The following RBFOX1 variants were observed in gnomAD, a reference collection of about 807,000 sequenced individuals.
The protein encoded by RBFOX1 is RNA binding protein fox-1 homolog 1.
Under a neutral mutation model 57.7 loss-of-function variants are expected in RBFOX1, and 8 were observed. The ratio of observed to expected loss-of-function variants is 0.14; its 90% CI spans 0.08 to 0.25. The LOEUF (loss-of-function observed/expected upper bound fraction) is 0.25, where lower values mean the gene tolerates loss of function less well. Among genes scored for constraint, RBFOX1 ranks in the 10% least tolerant of loss-of-function variants. The probability of loss-of-function intolerance (pLI) is 1.00; values close to 1 mark genes in which losing one functional copy is unlikely to be tolerated. For synonymous variants in RBFOX1, 326 were observed against 222.4 expected, an observed-to-expected ratio of 1.47 and a Z score of -4.15; for missense variants, 611 against 548.5, an observed-to-expected ratio of 1.11 and a Z score of -1.14.
intron 2 of RBFOX1, among the ~76,000 whole-genome samples, chr16:5,475,039 T>C (rs1197132244): frequency 6.6e-6 from 1 of 152,210 alleles, no homozygotes; most frequent in African/African-American, 2.4e-5. Flanking sequence ...CTACCCTTCA[T>C]TTTGTAAGAT....
At chr16:7,342,916 C>T (rs2096925634) in intron 4 of RBFOX1, among the ~76,000 whole-genome samples, 1 of 152,136 alleles carries the variant, frequency 6.6e-6, no homozygotes, top group Admixed American at 6.5e-5. Context: ...AAGTTAATTA[C>T]AAGAAACACG....
chr16:6,519,492 A>G (rs186072700), intron 2 of RBFOX1, among the ~76,000 whole-genome samples: 9 of 152,208 alleles, frequency 5.9e-5, no homozygotes, highest in African/African-American at 1.7e-4. Context: ...CCTGAGGTCA[A>G]GAGTTGGAGA....
At chr16:7,040,287 G>C (rs61177865) in intron 3 of RBFOX1, among the ~76,000 whole-genome samples, 3 of 152,034 alleles carry the variant, frequency 2.0e-5, no homozygotes, top group Admixed American at 6.6e-5. Context: ...CCAAAGTGCT[G>C]GGATTGCAGG....
At chr16:5,902,117 T>A (rs994390394) in intron 4 of RBFOX1, among the ~76,000 whole-genome samples, 1 of 152,220 alleles carries the variant, frequency 6.6e-6, no homozygotes, top group African/African-American at 2.4e-5. Flanking sequence ...CTAAATACTG[T>A]CAATTACCCA....
chr16:6,827,689 GC>G (rs1244135937), intron 3 of RBFOX1, among the ~76,000 whole-genome samples: 2 of 152,098 alleles, frequency 1.3e-5, no homozygotes, highest in Non-Finnish European at 2.9e-5. Context: ...TCCTTCAGGG[GC>G]CAGCTTCTCT....
chr16:6,258,267 C>A (rs1410767608), intron 1 of RBFOX1, among the ~76,000 whole-genome samples: 1 of 152,152 alleles, frequency 6.6e-6, no homozygotes, highest in African/African-American at 2.4e-5. Context: ...ATTGCATAAT[C>A]AACCAAAATA....
chr16:7,250,790 A>G (rs1475271886), intron 4 of RBFOX1, among the ~76,000 whole-genome samples: 1 of 152,198 alleles, frequency 6.6e-6, no homozygotes, highest in Non-Finnish European at 1.5e-5. Context: ...AGAATCAGGC[A>G]CCAAGACAGC....
chr16:6,272,688 C>T (rs911302756), intron 1 of RBFOX1, among the ~76,000 whole-genome samples: 4 of 152,132 alleles, frequency 2.6e-5, no homozygotes, highest in Non-Finnish European at 4.4e-5. Flanking sequence ...AACAAAACTT[C>T]TTATATAGCT....
intron 2 of RBFOX1, among the ~76,000 whole-genome samples, chr16:6,605,201 T>C (rs1000234814): frequency 1.3e-5 from 2 of 152,098 alleles, no homozygotes; most frequent in African/African-American, 4.8e-5. Context: ...ATCAAACCAC[T>C]GTACTGGGTG....
At chr16:5,423,824 CTTG>C (rs1013355507) in intron 1 of RBFOX1, among the ~76,000 whole-genome samples, 19 of 152,162 alleles carry the variant, frequency 1.2e-4, no homozygotes, top group African/African-American at 4.1e-4. Flanking sequence ...ATAAAGGGCT[CTTG>C]TTGTCTTCTC....
At chr16:6,011,775 C>T (rs996135053) in intron 4 of RBFOX1, among the ~76,000 whole-genome samples, 4 of 152,164 alleles carry the variant, frequency 2.6e-5, no homozygotes, top group South Asian at 2.1e-4. Flanking sequence ...TGACCACGCA[C>T]GCTGAGGACT....
chr16:7,254,162 A>G (rs924547304), intron 4 of RBFOX1, among the ~76,000 whole-genome samples: 6 of 152,292 alleles, frequency 3.9e-5, no homozygotes, highest in Admixed American at 3.9e-4. Flanking sequence ...GAGAAGACCA[A>G]TGAGAAAAGA....
At chr16:6,068,912 C>A (rs745609386) in intron 1 of RBFOX1, among the ~76,000 whole-genome samples, 8 of 152,068 alleles carry the variant, frequency 5.3e-5, no homozygotes, top group Non-Finnish European at 4.4e-5. Flanking sequence ...ATAAGCATTC[C>A]GACACTCAGT....
At chr16:7,438,898 C>A (rs1249249221) in intron 4 of RBFOX1, among the ~76,000 whole-genome samples, 1 of 152,170 alleles carries the variant, frequency 6.6e-6, no homozygotes, top group Non-Finnish European at 1.5e-5. Context: ...GCATGAATCC[C>A]CCCCTTCAGC....
intron 3 of RBFOX1, among the ~76,000 whole-genome samples, chr16:6,818,008 G>T (rs1403245150): frequency 6.6e-6 from 1 of 152,114 alleles, no homozygotes; most frequent in African/African-American, 2.4e-5. Flanking sequence ...AATGAGCATG[G>T]GTTAGTGGCT....
At chr16:7,463,940 C>T (rs996946452) in intron 4 of RBFOX1, among the ~76,000 whole-genome samples, 2 of 152,144 alleles carry the variant, frequency 1.3e-5, no homozygotes, top group East Asian at 1.9e-4. Flanking sequence ...TTTTAAAAAG[C>T]CAAGACATTG....
At chr16:6,895,210 C>G (rs990073955) in intron 3 of RBFOX1, among the ~76,000 whole-genome samples, 9 of 151,804 alleles carry the variant, frequency 5.9e-5, no homozygotes, top group African/African-American at 2.2e-4. Flanking sequence ...AATTAAAGAA[C>G]AAGTCCAAAC....
intron 3 of RBFOX1, among the ~76,000 whole-genome samples, chr16:7,004,746 C>G (rs1242822634): frequency 6.6e-6 from 1 of 152,162 alleles, no homozygotes; most frequent in South Asian, 2.1e-4. Context: ...GGAGAAGTAG[C>G]TGTGAGACAC....
chr16:6,960,170 C>T (rs118169364), intron 3 of RBFOX1, among the ~76,000 whole-genome samples: 2 of 152,076 alleles, frequency 1.3e-5, no homozygotes, highest in Non-Finnish European at 2.9e-5. Flanking sequence ...AGGAACTCCC[C>T]ACACCTCCAT....
Sources: gnomAD v4.1 joint callset for allele counts (sites outside exome capture counted in the v4.1 genomes callset) on GRCh38, gnomAD v4.1.1 for gene constraint, MANE v1.5 for transcripts, NCBI Gene and HGNC (gene_info 2026-07-23, HGNC 2026-07-21) for gene names.